The following MCTP1 variants were observed in gnomAD, a reference collection of about 807,000 sequenced individuals.
MCTP1 encodes the protein multiple C2 and transmembrane domain-containing protein 1.
In MCTP1, 69 loss-of-function variants were observed where a neutral mutation model predicts 120.6. The ratio of observed to expected loss-of-function variants is 0.57; its 90% CI spans 0.47 to 0.70. The LOEUF (loss-of-function observed/expected upper bound fraction) is 0.70. MCTP1 is among the 30% of genes least tolerant of loss of function. The pLI, the probability that MCTP1 is intolerant of heterozygous loss-of-function variation, is 0.00. For missense variants in MCTP1, 1,203 were observed against 1,248.8 expected, an observed-to-expected ratio of 0.96 and a Z score of 0.55; for synonymous variants, 529 against 493.1, an observed-to-expected ratio of 1.07 and a Z score of -0.96.
At chr5:95,058,941 C>G (rs1364445853) in intron 1 of MCTP1, among the ~76,000 whole-genome samples, 2 of 152,162 alleles carry the variant, frequency 1.3e-5, no homozygotes, top group African/African-American at 4.8e-5. Flanking sequence ...GTGTCCAGGA[C>G]CACCCTTTTC....
At chr5:95,154,845 G>C (rs1443037969) in intron 1 of MCTP1, among the ~76,000 whole-genome samples, 1 of 151,996 alleles carries the variant, frequency 6.6e-6, no homozygotes, top group African/African-American at 2.4e-5. Context: ...TAAATTTTGT[G>C]ATAATTTTGT....
At chr5:95,130,284 T>C (rs1276328508) in intron 1 of MCTP1, among the ~76,000 whole-genome samples, 1 of 152,142 alleles carries the variant, frequency 6.6e-6, no homozygotes, top group African/African-American at 2.4e-5. Context: ...GTGTCTCCTA[T>C]CTCCTACCTC....
chr5:95,187,892 A>G (rs139877382), intron 1 of MCTP1, among the ~76,000 whole-genome samples: 2 of 152,334 alleles, frequency 1.3e-5, no homozygotes, highest in African/African-American at 4.8e-5. Context: ...CTTCTAACAT[A>G]AAGGATAAAT....
chr5:94,860,408 C>T (rs920784421), intron 17 of MCTP1, among the ~76,000 whole-genome samples: 1 of 151,366 alleles, frequency 6.6e-6, no homozygotes, highest in Admixed American at 6.6e-5. Flanking sequence ...AACAGTGCAC[C>T]CTTGGAATTG....
chr5:94,708,027 CA>C (rs1755249380), intron 22 of MCTP1, among the ~76,000 whole-genome samples: 1 of 151,522 alleles, frequency 6.6e-6, no homozygotes, highest in South Asian at 2.1e-4. Context: ...GGTTAATGGG[CA>C]TTAACCTCAA....
rs541419654 is a variant in MCTP1, at chr5:94,900,279, G to A, written c.1653-5444C>T. ...CCAATTCTCATTGAAATAACTTGCAGCTGTCTTTCTTAATATCCTGAAATG... is the reference window on the plus strand; with the variant it reads ...CCAATTCTCATTGAAATAACTTGCAACTGTCTTTCTTAATATCCTGAAATG... On this transcript the variant is annotated intron_variant, in intron 10 of 22. Transcript: ENST00000515393. Among the ~76,000 whole-genome samples the A allele has an allele frequency of 9.2e-5, 14 of 152,310 alleles. No homozygotes were observed. In the South Asian group the frequency reaches 2.9e-3, roughly 32 times the overall value.
At chr5:94,914,876 G>T (rs1809667697) in intron 8 of MCTP1, among the ~76,000 whole-genome samples, 1 of 152,280 alleles carries the variant, frequency 6.6e-6, no homozygotes, top group East Asian at 1.9e-4. Flanking sequence ...TTAGTTCTAA[G>T]ATTTCATGCA....
rs562038099 is a variant in MCTP1 at position 94,980,630 on chromosome 5, C to T, written c.839-27269G>A. Reference sequence around the variant, plus strand: ...TAGAGCTTTAAGGAAATGGCTAGTCCTTATTTCATAGACACCCTTTCCAAG... The same window carrying T: ...TAGAGCTTTAAGGAAATGGCTAGTCTTTATTTCATAGACACCCTTTCCAAG... On this transcript the variant is annotated intron_variant, in intron 2 of 22. Transcript: ENST00000515393. Among the ~76,000 whole-genome samples, 3 of 151,996 alleles carry T rather than the reference C, an allele frequency of 2.0e-5. No individual in the cohort carries two copies. In the East Asian group the frequency reaches 5.8e-4, roughly 29 times the overall value.
chr5:94,909,278 G>A lies in MCTP1; in HGVS notation c.1625C>T (p.Ala542Val), dbSNP rs1807807685. ...GCCAATGAAATCATCCCTTTTCCCA[G>A]CATCTTTGTCCCATGCAGTGATATC... ...VIDITAWDKD[A>V]GKRDDFIGRC... is the part of the protein sequence containing the mutation. The change falls in exon 10 of 23, where the codon GCT becomes GTT. Residue 542 changes from alanine to valine, a missense_variant. Ala to Val is a moderately conservative substitution (Grantham distance 64). Around this residue, in one of 2 missense-constraint regions of MCTP1, gnomAD observed 740 missense variants for 871.1 expected, o/e 0.85. Transcript: ENST00000515393. 6.2e-7 allele frequency: 1 copy of A among 1,611,214 alleles called. No homozygotes were observed. Among genetic ancestry groups the A allele is most frequent in the African/African-American group, 1.3e-5 (1 of 74,694 alleles).
chr5:94,806,765 C>T (rs1782404336), intron 17 of MCTP1, among the ~76,000 whole-genome samples: 1 of 152,322 alleles, frequency 6.6e-6, no homozygotes, highest in Non-Finnish European at 1.5e-5. Flanking sequence ...CCTGCCCTTT[C>T]AGACTAACAG....
intron 2 of MCTP1, among the ~76,000 whole-genome samples, chr5:94,953,840 TATAC>T (rs10615926): frequency 0.59 from 40,340 of 68,208 alleles, 14,040 homozygotes; most frequent in African/African-American, 0.73. Flanking sequence ...CATATATATA[TATAC>T]ACAACTATAT....
rs1342279275 is a variant in MCTP1 at position 94,779,181 on chromosome 5, A to G, written c.2557-18T>C. 2.5e-6 allele frequency: 4 copies of G among 1,612,882 alleles called. No individual in the cohort carries two copies. The South Asian group carries it at 4.4e-5, about 18-fold the overall frequency. ...TCCACTACCTGCAGAGAGAAACAGAAGTCGTTTTTTGTGCTCTTAAAGGAG... is the reference window on the plus strand; with the variant it reads ...TCCACTACCTGCAGAGAGAAACAGAGGTCGTTTTTTGTGCTCTTAAAGGAG... On this transcript the variant is annotated intron_variant, in intron 18 of 22. Coordinates refer to ENST00000515393, the MANE Select transcript of MCTP1 (RefSeq NM_024717.7).
At chr5:94,954,003 T>C (rs1170071838) in intron 2 of MCTP1, among the ~76,000 whole-genome samples, 1 of 53,500 alleles carries the variant, frequency 1.9e-5, no homozygotes, top group African/African-American at 9.7e-5. Context: ...TATATATGCA[T>C]ATATATACAA....
At chr5:95,183,287 A>G (rs1044096160) in intron 1 of MCTP1, among the ~76,000 whole-genome samples, 1 of 151,962 alleles carries the variant, frequency 6.6e-6, no homozygotes, top group African/African-American at 2.4e-5. Context: ...AGAATGAATC[A>G]TAGCCTAAAA....
rs533307834 is a variant in MCTP1, at chr5:94,769,975, T to C, written c.2610+9135A>G. Among the ~76,000 whole-genome samples, 31 of 152,356 alleles carry C rather than the reference T, an allele frequency of 2.0e-4. No homozygotes were observed. The South Asian group carries it at 6.2e-3, about 31-fold the overall frequency. On this transcript the variant is annotated intron_variant, in intron 19 of 22. Coordinates refer to ENST00000515393, the MANE Select transcript of MCTP1 (RefSeq NM_024717.7). ...TAATGAAAGTAGATACCTCTATTTA[T>C]ATAGCCAACTCCTGTTGGCAAGTTC...
intron 12 of MCTP1, among the ~76,000 whole-genome samples, chr5:94,888,025 C>T (rs1203718222): frequency 6.6e-6 from 1 of 151,724 alleles, no homozygotes; most frequent in Non-Finnish European, 1.5e-5. Flanking sequence ...AAGCATATTT[C>T]CAGAATGATA....
At chr5:94,893,823 T>C (rs1220622364) in intron 11 of MCTP1, among the ~76,000 whole-genome samples, 1 of 152,216 alleles carries the variant, frequency 6.6e-6, no homozygotes, top group East Asian at 1.9e-4. Context: ...TAGAGGAGCC[T>C]TCTAAACACC....
chr5:95,060,895 A>G (rs185206923), intron 1 of MCTP1, among the ~76,000 whole-genome samples: 2 of 151,472 alleles, frequency 1.3e-5, no homozygotes, highest in East Asian at 3.9e-4. Context: ...AATCGCTTCA[A>G]CCTGGAAGGC....
In MCTP1 at chr5:94,785,850, G is replaced by A. The variant is rs1251029116; in HGVS notation, c.2557-6687C>T. Among the ~76,000 whole-genome samples the A allele has an allele frequency of 3.3e-5, 5 of 152,190 alleles. No homozygotes were observed. The East Asian group carries it at 9.6e-4, about 29-fold the overall frequency. ...GACATTTTAAAGAGTAGCATGTCCT[G>A]CAATCTTCCAAATATCCTTTGCTCC... is the stretch of plus-strand genomic sequence containing the variant. On this transcript the variant is annotated intron_variant, in intron 18 of 22. Coordinates refer to ENST00000515393, the MANE Select transcript of MCTP1 (RefSeq NM_024717.7).
Sources: gnomAD v4.1 joint callset for allele counts (sites outside exome capture counted in the v4.1 genomes callset) on GRCh38, gnomAD v4.1.1 for gene constraint, gnomAD v4.1.1 regional missense constraint, MANE v1.5 for transcripts, NCBI Gene and HGNC (gene_info 2026-07-23, HGNC 2026-07-21) for gene names.